Variants in KCNIP4 observed in about 807,000 individuals in gnomAD.
KCNIP4 encodes the protein potassium voltage-gated channel interacting protein 4, also known as Kv channel-interacting protein 4.
KCNIP4 carries 12 observed loss-of-function variants against 34.0 expected under a neutral mutation model. The ratio of observed to expected loss-of-function variants is 0.35; its 90% CI spans 0.23 to 0.57. The LOEUF is 0.57. Ranked by LOEUF, KCNIP4 falls within the 20% of genes least tolerant of loss-of-function variation. The pLI is 0.83. For synonymous variants in KCNIP4, 124 were observed against 102.2 expected (o/e 1.21, Z -1.29); for missense variants, 238 against 311.7 (o/e 0.76, Z 1.78).
intron 3 of KCNIP4, among the ~76,000 whole-genome samples, chr4:20,826,275 T>G (rs528579034): frequency 2.0e-5 from 3 of 152,222 alleles, no homozygotes; most frequent in Admixed American, 2.0e-4. Context: ...AAGTGAGCAG[T>G]TTAAGATACC....
At chr4:21,269,263 T>C (rs570689149) in intron 1 of KCNIP4, among the ~76,000 whole-genome samples, 3 of 152,152 alleles carry the variant, frequency 2.0e-5, no homozygotes, top group Admixed American at 1.3e-4. Flanking sequence ...CAAAGTAAAT[T>C]AGGATATCTA....
intron 1 of KCNIP4, among the ~76,000 whole-genome samples, chr4:21,486,708 T>C (rs1731946677): frequency 6.6e-6 from 1 of 152,216 alleles, no homozygotes; most frequent in South Asian, 2.1e-4. Context: ...CTATAAAAAT[T>C]GCTAAGATAG....
chr4:21,572,696 G>A (rs1740455508), intron 1 of KCNIP4, among the ~76,000 whole-genome samples: 1 of 150,270 alleles, frequency 6.7e-6, no homozygotes, highest in Non-Finnish European at 1.5e-5. Flanking sequence ...CATGACCTCA[G>A]CTCACTGCAA....
chr4:21,358,864 C>T (rs1255773544), intron 1 of KCNIP4, among the ~76,000 whole-genome samples: 2 of 152,020 alleles, frequency 1.3e-5, no homozygotes, highest in Non-Finnish European at 2.9e-5. Flanking sequence ...CCTGGAAGAC[C>T]CTTCCCCTTC....
chr4:21,443,651 A>T (rs968502834), intron 1 of KCNIP4, among the ~76,000 whole-genome samples: 15 of 152,164 alleles, frequency 9.9e-5, no homozygotes, highest in Non-Finnish European at 2.2e-4. Context: ...TTTGGACTCA[A>T]GATTGAACAT....
chr4:20,855,750 C>G (rs957246100), intron 2 of KCNIP4, among the ~76,000 whole-genome samples: 1 of 151,976 alleles, frequency 6.6e-6, no homozygotes, highest in Non-Finnish European at 1.5e-5. Flanking sequence ...CAAACATTTG[C>G]TTTGTACTTT....
intron 3 of KCNIP4, among the ~76,000 whole-genome samples, chr4:20,779,942 G>A (rs1371389530): frequency 6.6e-6 from 1 of 152,080 alleles, no homozygotes; most frequent in Non-Finnish European, 1.5e-5. Context: ...TCAGACTTTC[G>A]ACCTCTAGAC....
At chr4:20,831,919 A>G (rs984515135) in intron 3 of KCNIP4, among the ~76,000 whole-genome samples, 4 of 152,224 alleles carry the variant, frequency 2.6e-5, no homozygotes, top group Non-Finnish European at 4.4e-5. Context: ...GCCTATCCCC[A>G]TCCCACTTTC....
At chr4:21,417,452 G>A (rs1577329435) in intron 1 of KCNIP4, among the ~76,000 whole-genome samples, 1 of 152,248 alleles carries the variant, frequency 6.6e-6, no homozygotes, top group African/African-American at 2.4e-5. Flanking sequence ...TTATGTCTGA[G>A]GGTCTCGTGT....
intron 1 of KCNIP4, among the ~76,000 whole-genome samples, chr4:20,999,413 TG>T (rs1167745131): frequency 2.2e-3 from 21 of 9,712 alleles, no homozygotes; most frequent in South Asian, 0.021. Flanking sequence ...GTTGTGGTGG[TG>T]TTTTTTTTTT....
chr4:21,118,140 G>C (rs1053242522), intron 1 of KCNIP4, among the ~76,000 whole-genome samples: 2 of 152,052 alleles, frequency 1.3e-5, no homozygotes, highest in Non-Finnish European at 2.9e-5. Flanking sequence ...TGAGGTTTGT[G>C]AACCACCACC....
chr4:21,167,476 G>T (rs1313348811), intron 1 of KCNIP4, among the ~76,000 whole-genome samples: 2 of 152,108 alleles, frequency 1.3e-5, no homozygotes, highest in Non-Finnish European at 2.9e-5. Context: ...TCAACCATTT[G>T]CAGAGGCCTA....
chr4:21,401,577 G>GA (rs985542227), intron 1 of KCNIP4, among the ~76,000 whole-genome samples: 13 of 151,986 alleles, frequency 8.6e-5, no homozygotes, highest in East Asian at 1.9e-4. Context: ...AATGTAGCAA[G>GA]AAAAAAAATC....
intron 1 of KCNIP4, among the ~76,000 whole-genome samples, chr4:21,947,437 A>C (rs1730568122): frequency 6.6e-6 from 1 of 152,218 alleles, no homozygotes; most frequent in African/African-American, 2.4e-5. Flanking sequence ...GTTCTCTTTA[A>C]AATTTCATAT....
intron 1 of KCNIP4, among the ~76,000 whole-genome samples, chr4:20,954,477 C>G (rs1462373050): frequency 2.0e-5 from 3 of 152,080 alleles, no homozygotes; most frequent in African/African-American, 7.2e-5. Context: ...TGATTAAAAT[C>G]ACAAATAATT....
intron 1 of KCNIP4, among the ~76,000 whole-genome samples, chr4:21,676,056 C>A (rs547174694): frequency 6.6e-6 from 1 of 152,070 alleles, no homozygotes; most frequent in Non-Finnish European, 1.5e-5. Context: ...CATAAAGAAA[C>A]GCAATAAACT....
At chr4:21,854,436 T>C (rs1724622543) in intron 1 of KCNIP4, among the ~76,000 whole-genome samples, 1 of 152,212 alleles carries the variant, frequency 6.6e-6, no homozygotes, top group Non-Finnish European at 1.5e-5. Flanking sequence ...TTTCCATCAA[T>C]GTTATATTTA....
chr4:21,750,594 G>A lies in KCNIP4; in HGVS notation c.61+197977C>T, dbSNP rs77229014. On this transcript the variant is annotated intron_variant, in intron 1 of 8. Transcript: ENST00000382152. ...AATTATAAACATATTTTGAAAACAA[G>A]TGCTACCATTTATTCAGCATTTACT... Among the ~76,000 whole-genome samples, 1,340 of 152,226 alleles carry A rather than the reference G, an allele frequency of 8.8e-3. 19 individuals are homozygous for A. The highest frequency in any genetic ancestry group is 0.039 in the South Asian group (188 of 4,826).
At chr4:20,749,636 T>C (rs370308743) in intron 5 of KCNIP4, 26 bp downstream of exon 5, 2 of 1,498,344 alleles carry the variant, frequency 1.3e-6, no homozygotes, top group Non-Finnish European at 9.2e-7. Flanking sequence ...AATAGTCAAA[T>C]GATATGAAAA....
Sources: allele counts gnomAD v4.1 joint callset (sites outside exome capture counted in the v4.1 genomes callset), GRCh38; gene constraint gnomAD v4.1.1; transcripts MANE v1.5; gene names NCBI Gene and HGNC (gene_info 2026-07-23, HGNC 2026-07-21).